The following FAR1 variants were observed in gnomAD, a reference collection of about 807,000 sequenced individuals.
FAR1 encodes the protein fatty acyl-CoA reductase 1, also known as male sterility domain-containing protein 2.
FAR1 carries 22 observed loss-of-function variants against 61.1 expected under a neutral mutation model. The ratio of observed to expected loss-of-function variants is 0.36; its 90% confidence interval spans 0.26 to 0.51. The LOEUF (loss-of-function observed/expected upper bound fraction) is 0.51, where lower values mean the gene tolerates loss of function less well. Among genes scored for constraint, FAR1 ranks in the 20% least tolerant of loss-of-function variants. FAR1 has a pLI of 0.95. For synonymous variants in FAR1, 206 were observed against 209.7 expected, an observed-to-expected ratio of 0.98 and a Z score of 0.15; for missense variants, 359 against 626.9, an observed-to-expected ratio of 0.57 and a Z score of 4.56.
In FAR1 at chr11:13,711,996, T is replaced by C. The variant is rs1296549970; in HGVS notation, c.837T>C (p.Asp279=). 8 of 1,613,452 alleles carry C rather than the reference T, an allele frequency of 5.0e-6. No homozygotes were observed. The highest frequency in any genetic ancestry group is 2.7e-5 in the African/African-American group (2 of 75,006). The change falls in exon 7 of 12, where the codon GAT becomes GAC. Residue 279 remains aspartate (D), a synonymous_variant. Coordinates refer to ENST00000354817, the MANE Select transcript of FAR1 (RefSeq NM_032228.6). Reference sequence around the variant, plus strand: ...CCCTTGCAGATCTTGTTCCTGTAGATGTAGTTGTCAACATGAGTCTTGCGG... The same window carrying C: ...CCCTTGCAGATCTTGTTCCTGTAGACGTAGTTGTCAACATGAGTCTTGCGG... ...NNALADLVPV[D]VVVNMSLAAA...
intron 11 of FAR1, 72 bp downstream of exon 11, chr11:13,727,755 T>G (rs1848682357): frequency 7.1e-7 from 1 of 1,400,658 alleles, no homozygotes; most frequent in African/African-American, 1.5e-5. Flanking sequence ...TTTGGTAAAC[T>G]GGTATATTTG....
At chr11:13,700,802 C>T (rs1278616607) in intron 3 of FAR1, among the ~76,000 whole-genome samples, 1 of 152,090 alleles carries the variant, frequency 6.6e-6, no homozygotes, top group African/African-American at 2.4e-5. Flanking sequence ...TCTTCTCTTT[C>T]TTCAGAAGCC....
chr11:13,679,705 G>A (rs1848104406), intron 1 of FAR1, among the ~76,000 whole-genome samples: 2 of 152,172 alleles, frequency 1.3e-5, no homozygotes, highest in Admixed American at 6.5e-5. Flanking sequence ...CTCTCATAGA[G>A]TAGAATTTGA....
intron 1 of FAR1, 64 bp from the exon 2 acceptor site, chr11:13,694,695 T>C: frequency 7.4e-7 from 1 of 1,355,192 alleles, no homozygotes; most frequent in Non-Finnish European, 1.0e-6. Flanking sequence ...TACCAAGAGA[T>C]TTTTAGTATG....
chr11:13,671,349 C>G (rs1848001755), intron 1 of FAR1, among the ~76,000 whole-genome samples: 2 of 151,994 alleles, frequency 1.3e-5, no homozygotes, highest in African/African-American at 4.8e-5. Flanking sequence ...ATTGAAGATT[C>G]GAATGAAGAT....
In FAR1 at chr11:13,683,745, G is replaced by GA. The variant is rs563428672; in HGVS notation, c.-7-11008dup. ...AGGCACAGAAGAGCCAATTTTAATAGAAAAAACACGTAAATGGGCTGGACT... is the reference window on the plus strand; with the variant it reads ...AGGCACAGAAGAGCCAATTTTAATAGAAAAAAACACGTAAATGGGCTGGACT... On this transcript the variant is annotated intron_variant, in intron 1 of 11. Transcript: ENST00000354817. Among the ~76,000 whole-genome samples the GA allele has an allele frequency of 6.5e-3, 989 of 152,216 alleles. 9 individuals carry two copies. Among genetic ancestry groups the GA allele is most frequent in the African/African-American group, 0.022 (915 of 41,536 alleles).
intron 1 of FAR1, among the ~76,000 whole-genome samples, chr11:13,670,374 C>T (rs1343593978): frequency 1.1e-4 from 17 of 152,154 alleles, no homozygotes; most frequent in Non-Finnish European, 5.9e-5. Context: ...CTGCAACCTC[C>T]ACCTCCCAGG....
At chr11:13,692,565 T>G (rs1848261892) in intron 1 of FAR1, among the ~76,000 whole-genome samples, 2 of 152,228 alleles carry the variant, frequency 1.3e-5, no homozygotes. Context: ...GTAATTTTGG[T>G]GTTCTATACT....
At position 13,728,591 on chromosome 11, in the gene FAR1, ATC is replaced by A. The variant is rs1471618979; in HGVS notation, c.1386-17_1386-16del. Reference sequence around the variant, plus strand: ...TTTTCTAGAAAATACTGTCTAACATATCTCTTGATTTGCTTTCCAGGTTGCGG... The same window carrying A: ...TTTTCTAGAAAATACTGTCTAACATATCTTGATTTGCTTTCCAGGTTGCGG... On this transcript the variant is annotated intron_variant, in intron 11 of 11. Coordinates refer to ENST00000354817, the MANE Select transcript of FAR1 (RefSeq NM_032228.6). 4 of 1,604,334 alleles carry A rather than the reference ATC, an allele frequency of 2.5e-6. No homozygotes were observed. The African/African-American group carries it at 5.4e-5, about 21-fold the overall frequency.
In FAR1 at chr11:13,668,692, A is replaced by C. The variant is rs1591249277; in HGVS notation, c.-122A>C. ...TGCCACTGCCCGTCCGCTCTTCAGC[A>C]GCCGGTCGCGGGCGGTGGAAAAGCG... On this transcript the variant is annotated 5_prime_UTR_variant, in exon 1 of 12. Coordinates refer to ENST00000354817, the MANE Select transcript of FAR1 (RefSeq NM_032228.6). 1.3e-5 allele frequency: 2 copies of C among 153,530 alleles called. No homozygotes were observed. The highest frequency in any genetic ancestry group is 4.8e-5 in the African/African-American group (2 of 41,462). 9.5% of individuals were successfully genotyped at this position (153,530 alleles called of 1,614,324 possible).
At chr11:13,710,557 C>T (rs1848486766) in intron 4 of FAR1, 136 bp from the exon 5 acceptor site, 1 of 682,966 alleles carries the variant, frequency 1.5e-6, no homozygotes, top group Admixed American at 3.8e-5. Context: ...AGACTAAGTT[C>T]CATTTTTCAG....
rs569817160 is a variant in FAR1 at position 13,689,178 on chromosome 11, C to T, written c.-7-5581C>T. On this transcript the variant is annotated intron_variant, in intron 1 of 11. Transcript: ENST00000354817. ...TTATTTTTCAAAGTAAATGTTTTAT[C>T]GAAATATAATAAATTCAGAAAGTCC... 3.3e-5 allele frequency among the ~76,000 whole-genome samples: 5 copies of T among 152,122 alleles called. No individual in the cohort carries two copies. In the South Asian group the frequency reaches 8.3e-4, roughly 25 times the overall value.
chr11:13,681,189 T>C (rs1354132672), intron 1 of FAR1, among the ~76,000 whole-genome samples: 1 of 152,174 alleles, frequency 6.6e-6, no homozygotes, highest in Non-Finnish European at 1.5e-5. Context: ...AGACAGAATA[T>C]TTCAAAGTGT....
intron 10 of FAR1, among the ~76,000 whole-genome samples, chr11:13,724,649 CTTT>C (rs901296730): frequency 3.3e-5 from 5 of 151,074 alleles, no homozygotes; most frequent in Non-Finnish European, 7.4e-5. Context: ...TTCCCACTTA[CTTT>C]TTTTATTTTC....
In FAR1 at chr11:13,705,468, C is replaced by T. The variant is rs1028126739; in HGVS notation, c.366-2432C>T. On this transcript the variant is annotated intron_variant, in intron 3 of 11. Transcript: ENST00000354817. ...CAAATTATCCCTTATTTTCGGTGAC[C>T]TAGAAACTCTGTCACCATCCTCAGG... Among the ~76,000 whole-genome samples, 5 of 152,140 alleles carry T rather than the reference C, an allele frequency of 3.3e-5. No individual in the cohort carries two copies. The East Asian group carries it at 7.7e-4, about 23-fold the overall frequency.
chr11:13,726,439 A>G (rs1848667345), intron 10 of FAR1, among the ~76,000 whole-genome samples: 1 of 151,988 alleles, frequency 6.6e-6, no homozygotes, highest in Non-Finnish European at 1.5e-5. Flanking sequence ...TTTTTCAAGG[A>G]TATTTACACT....
intron 4 of FAR1, among the ~76,000 whole-genome samples, chr11:13,708,295 T>A (rs1848456202): frequency 6.6e-6 from 1 of 151,486 alleles, no homozygotes. Flanking sequence ...ATCCCAGAGG[T>A]TGCAGTGAGC....
At chr11:13,671,588 G>A (rs1299083847) in intron 1 of FAR1, among the ~76,000 whole-genome samples, 1 of 152,196 alleles carries the variant, frequency 6.6e-6, no homozygotes, top group Non-Finnish European at 1.5e-5. Flanking sequence ...TTTGAGTCCT[G>A]TGCTAGAGTA....
At chr11:13,695,934 A>G (rs1188532617) in intron 2 of FAR1, among the ~76,000 whole-genome samples, 1 of 152,142 alleles carries the variant, frequency 6.6e-6, no homozygotes, top group East Asian at 1.9e-4. Context: ...AAAAATTATT[A>G]TTATACTTTT....
Sources: gnomAD v4.1 joint callset for allele counts (sites outside exome capture counted in the v4.1 genomes callset) on GRCh38, gnomAD v4.1.1 for gene constraint, MANE v1.5 for transcripts, NCBI Gene and HGNC (gene_info 2026-07-23, HGNC 2026-07-21) for gene names.